COL19A1: variants seen among roughly 807,000 people sequenced by gnomAD.
COL19A1 encodes collagen type XIX alpha 1 chain.
In COL19A1, 159 loss-of-function variants were observed where a neutral mutation model predicts 190.2. The observed-to-expected ratio is 0.84, with a 90% CI of 0.73 to 0.95. COL19A1 has a LOEUF of 0.95. Among genes scored for constraint, COL19A1 ranks in the 40% least tolerant of loss-of-function variants. The pLI, the probability that COL19A1 is intolerant of heterozygous loss-of-function variation, is 0.00. For missense variants in COL19A1, 1,418 were observed against 1,431.9 expected, an observed-to-expected ratio of 0.99 and a Z score of 0.16; for synonymous variants, 509 against 458.9, an observed-to-expected ratio of 1.11 and a Z score of -1.39.
rs746014555 is a variant in COL19A1, at chr6:70,102,242, A to T, written c.1278+20A>T. 2 of 1,564,608 alleles carry T rather than the reference A, an allele frequency of 1.3e-6. No homozygotes were observed. The highest frequency in any genetic ancestry group is 3.3e-5 in the Admixed American group (2 of 59,922). On this transcript the variant is annotated intron_variant, in intron 16 of 50. Transcript: ENST00000620364. ...CCACCTGTGAGTAAACAATACAATGACTGTCCCTTTAAAGAGTCTGTCTTT... is the reference window on the plus strand; with the variant it reads ...CCACCTGTGAGTAAACAATACAATGTCTGTCCCTTTAAAGAGTCTGTCTTT...
intron 4 of COL19A1, among the ~76,000 whole-genome samples, chr6:69,904,298 A>G (rs1275826529): frequency 6.6e-6 from 1 of 152,168 alleles, no homozygotes; most frequent in Non-Finnish European, 1.5e-5. Context: ...CATCATTCCA[A>G]ACAGTCCATA....
chr6:70,108,932 T>C (rs1386851265), intron 16 of COL19A1, among the ~76,000 whole-genome samples: 1 of 152,066 alleles, frequency 6.6e-6, no homozygotes, highest in Non-Finnish European at 1.5e-5. Context: ...AAAGAGTAAA[T>C]TTAGGGTGTA....
rs200280743 is a variant in COL19A1, at chr6:70,151,423, C to T, written c.2064C>T (p.Ile688=). 18 of 1,612,504 alleles carry T rather than the reference C, an allele frequency of 1.1e-5. No homozygotes were observed. Among genetic ancestry groups the T allele is most frequent in the Middle Eastern group, 1.7e-4 (1 of 6,058 alleles). Reference sequence around the variant, plus strand: ...TTGCACTTCCTCTCTTGGGAGACATCGGTGCTTTGCTCAAGGTACTCTATT... The same window carrying T: ...TTGCACTTCCTCTCTTGGGAGACATTGGTGCTTTGCTCAAGGTACTCTATT... ...DPIALPLLGD[I]GALLKNFCGN... Residue 688 remains isoleucine, a synonymous_variant, in exon 31 of 51, where the codon ATC becomes ATT. Transcript: ENST00000620364.
intron 2 of COL19A1, among the ~76,000 whole-genome samples, chr6:69,894,759 T>C (rs1769600238): frequency 6.6e-6 from 1 of 152,150 alleles, no homozygotes; most frequent in South Asian, 2.1e-4. Flanking sequence ...GCCCCCAGGA[T>C]GTAAAACAAG....
chr6:70,176,634 G>A, intron 42 of COL19A1, 70 bp downstream of exon 42: 5 of 1,512,810 alleles, frequency 3.3e-6, no homozygotes, highest in Non-Finnish European at 4.5e-6. Context: ...CCTGTGGCCA[G>A]GGATCAAGAC....
At chr6:70,139,498 T>A (rs1228499371) in intron 19 of COL19A1, among the ~76,000 whole-genome samples, 1 of 152,006 alleles carries the variant, frequency 6.6e-6, no homozygotes, top group African/African-American at 2.4e-5. Flanking sequence ...ACCCCATACA[T>A]CTTTACTTGC....
At chr6:70,088,503 T>C (rs1782719191) in intron 15 of COL19A1, among the ~76,000 whole-genome samples, 1 of 152,144 alleles carries the variant, frequency 6.6e-6, no homozygotes, top group African/African-American at 2.4e-5. Flanking sequence ...TTCTAAAATA[T>C]AAAGCATGAC....
At chr6:69,937,960 G>A (rs911754003) in intron 8 of COL19A1, 78 bp from the exon 9 acceptor site, 100 of 1,396,602 alleles carry the variant, frequency 7.2e-5, no homozygotes, top group Admixed American at 9.1e-5. Context: ...GCTAGTGCCA[G>A]CTTCACATTT....
At chr6:69,962,549 T>C (rs1323778814) in intron 10 of COL19A1, among the ~76,000 whole-genome samples, 2 of 152,186 alleles carry the variant, frequency 1.3e-5, no homozygotes, top group African/African-American at 4.8e-5. Flanking sequence ...AAGATAGTAT[T>C]ATCATACTTA....
intron 50 of COL19A1, 21 bp from the exon 51 acceptor site, chr6:70,207,126 A>AT (rs3215860): frequency 0.059 from 91,205 of 1,544,992 alleles, 1,681 homozygotes; most frequent in Non-Finnish European, 0.063. Context: ...CTGCATTGTA[A>AT]TTTTTTTTTT....
At chr6:70,065,718 GGGCTA>G (rs1383819741) in intron 14 of COL19A1, among the ~76,000 whole-genome samples, 1 of 152,096 alleles carries the variant, frequency 6.6e-6, no homozygotes, top group Non-Finnish European at 1.5e-5. Context: ...ATCTGACAAA[GGGCTA>G]ATATCCAGAA....
At chr6:70,135,514 C>T (rs12214078) in intron 18 of COL19A1, among the ~76,000 whole-genome samples, 3,387 of 152,194 alleles carry the variant, frequency 0.022, 66 homozygotes, top group Middle Eastern at 0.048. Flanking sequence ...AGTTGTATGC[C>T]AGGAAACTGG....
intron 15 of COL19A1, among the ~76,000 whole-genome samples, chr6:70,095,604 A>T (rs1035093858): frequency 2.6e-5 from 4 of 152,218 alleles, no homozygotes; most frequent in Admixed American, 2.6e-4. Context: ...TGTCAAGTAT[A>T]TTCACATTGT....
chr6:70,047,272 G>A (rs1341909549), intron 14 of COL19A1, among the ~76,000 whole-genome samples: 2 of 152,204 alleles, frequency 1.3e-5, no homozygotes, highest in Middle Eastern at 3.4e-3. Context: ...GTGAGTTACT[G>A]ATAAACTTAA....
chr6:70,146,408 T>G (rs1391756084), intron 25 of COL19A1, among the ~76,000 whole-genome samples: 2 of 152,146 alleles, frequency 1.3e-5, no homozygotes, highest in Non-Finnish European at 2.9e-5. Context: ...TTGAACTTTT[T>G]ATGTATTAAA....
chr6:70,156,476 A>ATATG, intron 33 of COL19A1, 107 bp downstream of exon 33: 1 of 994,920 alleles, frequency 1.0e-6, no homozygotes, highest in South Asian at 1.6e-5. Flanking sequence ...CTATATATAT[A>ATATG]TATGTATGTA....
At chr6:70,086,414 C>A (rs1040297240) in intron 15 of COL19A1, among the ~76,000 whole-genome samples, 1 of 151,852 alleles carries the variant, frequency 6.6e-6, no homozygotes, top group Admixed American at 6.6e-5. Flanking sequence ...GTAGTTATCC[C>A]AAGAGGAAGG....
At chr6:69,968,168 G>A (rs1168629698) in intron 11 of COL19A1, among the ~76,000 whole-genome samples, 2 of 152,032 alleles carry the variant, frequency 1.3e-5, no homozygotes, top group Non-Finnish European at 2.9e-5. Context: ...GCCTTCAGTG[G>A]TTACTTTTGA....
At chr6:70,017,085 T>A (rs2150098697) in intron 11 of COL19A1, among the ~76,000 whole-genome samples, 1 of 152,132 alleles carries the variant, frequency 6.6e-6, no homozygotes, top group African/African-American at 2.4e-5. Flanking sequence ...ATTTAGAATA[T>A]CTAAAAATAA....
Sources: gnomAD v4.1 joint callset for allele counts (sites outside exome capture counted in the v4.1 genomes callset) on GRCh38, gnomAD v4.1.1 for gene constraint, MANE v1.5 for transcripts, NCBI Gene and HGNC (gene_info 2026-07-23, HGNC 2026-07-21) for gene names.